The following THOC1 variants were observed in gnomAD, a reference collection of about 807,000 sequenced individuals.
The protein encoded by THOC1 is THO complex subunit 1.
In THOC1, 29 loss-of-function variants were observed where a neutral mutation model predicts 97.3. The ratio of observed to expected loss-of-function variants is 0.30; its 90% CI spans 0.22 to 0.41. The LOEUF (loss-of-function observed/expected upper bound fraction) is 0.41. Among genes scored for constraint, THOC1 ranks in the 10% least tolerant of loss-of-function variants. THOC1 has a pLI of 1.00. For missense variants in THOC1, 529 were observed against 761.9 expected (o/e 0.69, Z 3.60); for synonymous variants, 255 against 257.0 (o/e 0.99, Z 0.07).
rs756487622 is a variant in THOC1, at chr18:215,498, A to G, written c.1609T>C (p.Ser537Pro). Reference protein sequence around the residue: ...IKLAKELPPPSEEIKTGEDED... With the variant: ...IKLAKELPPPPEEIKTGEDED... ...TCCTCACCTGTTTTTATTTCTTCAGAAGGAGGCTAAAAATGAGAAAGAAGA... is the reference window on the plus strand; with the variant it reads ...TCCTCACCTGTTTTTATTTCTTCAGGAGGAGGCTAAAAATGAGAAAGAAGA... The change falls in exon 20 of 21, where the codon TCT becomes CCT. Residue 537 changes from serine (S) to proline (P), a missense_variant. Coordinates refer to ENST00000261600, the MANE Select transcript of THOC1 (RefSeq NM_005131.3). 3.1e-6 allele frequency: 5 copies of G among 1,612,312 alleles called. No individual in the cohort carries two copies. The highest frequency in any genetic ancestry group is 1.7e-5 in the Admixed American group (1 of 60,008).
intron 11 of THOC1, among the ~76,000 whole-genome samples, chr18:229,433 G>A (rs1911406219): frequency 1.3e-5 from 2 of 152,124 alleles, no homozygotes. Flanking sequence ...TGTAATCCCA[G>A]CACTTTGGGA....
chr18:227,219 T>C (rs1221927958), intron 11 of THOC1, among the ~76,000 whole-genome samples: 8 of 152,128 alleles, frequency 5.3e-5, no homozygotes, highest in Non-Finnish European at 1.0e-4. Context: ...GCACAAAGCC[T>C]ATTATAGTCC....
intron 8 of THOC1, among the ~76,000 whole-genome samples, chr18:253,587 G>A (rs1598303981): frequency 6.6e-6 from 1 of 152,260 alleles, no homozygotes; most frequent in Admixed American, 6.5e-5. Flanking sequence ...AGTGGTTATA[G>A]AAATAATATG....
At chr18:256,627 T>A (rs1443156851) in intron 7 of THOC1, among the ~76,000 whole-genome samples, 1 of 152,230 alleles carries the variant, frequency 6.6e-6, no homozygotes, top group Non-Finnish European at 1.5e-5. Flanking sequence ...AGACAGAGTT[T>A]CACTCCTGTT....
chr18:233,073 T>C (rs138705657), intron 11 of THOC1, among the ~76,000 whole-genome samples: 101 of 152,330 alleles, frequency 6.6e-4, no homozygotes, highest in African/African-American at 2.4e-3. Flanking sequence ...AAATACTAAA[T>C]TGATATTTTT....
intron 15 of THOC1, among the ~76,000 whole-genome samples, chr18:224,519 C>T (rs755016268): frequency 6.7e-5 from 10 of 149,782 alleles, no homozygotes; most frequent in Admixed American, 2.0e-4. Flanking sequence ...GCGGAGGCTG[C>T]GGTGAGCCAA....
rs1393457893 is a variant in THOC1 at position 265,476 on chromosome 18, A to C, written c.109T>G (p.Phe37Val). 3 of 1,598,394 alleles carry C rather than the reference A, an allele frequency of 1.9e-6. No homozygotes were observed. Among genetic ancestry groups the C allele is most frequent in the Non-Finnish European group, 2.6e-6 (3 of 1,172,092 alleles). Residue 37 changes from phenylalanine (F) to valine (V), a missense_variant, in exon 2 of 21, where the codon TTC becomes GTC. Physicochemically the swap from Phe to Val is conservative, Grantham distance 50. Coordinates refer to ENST00000261600, the MANE Select transcript of THOC1 (RefSeq NM_005131.3). ...NKNIKPLLST[F>V]SQVPGSENEK... ...CCTTACCTGCCAGGTACCTGGCTGA[A>C]GGTACTTAACAATGGCTTGATGTTT...
intron 11 of THOC1, among the ~76,000 whole-genome samples, chr18:241,043 GTGA>G (rs1312920703): frequency 6.6e-6 from 1 of 152,148 alleles, no homozygotes; most frequent in Non-Finnish European, 1.5e-5. Context: ...GGTAATATGA[GTGA>G]TGGAGAGCAG....
rs544139287 is a variant in THOC1 at position 230,268 on chromosome 18, G to A, written c.919-3367C>T. Among the ~76,000 whole-genome samples, 59 of 152,250 alleles carry A rather than the reference G, an allele frequency of 3.9e-4. 1 individual carries two copies. The Middle Eastern group carries it at 0.017, about 44-fold the overall frequency. ...AACCTAAAGGTGGAGAGTGGGGGTT[G>A]GGGGATGGGGGTGCAAGAAGGGGAG... On this transcript the variant is annotated intron_variant, in intron 11 of 20. Transcript: ENST00000261600.
chr18:230,882 T>C (rs938419441), intron 11 of THOC1, among the ~76,000 whole-genome samples: 19 of 152,298 alleles, frequency 1.2e-4, no homozygotes, highest in African/African-American at 4.3e-4. Context: ...ACCACCGGCA[T>C]ATGCCACAAT....
chr18:220,458 C>G lies in THOC1; in HGVS notation c.1371-1489G>C, dbSNP rs186375498. Among the ~76,000 whole-genome samples the G allele has an allele frequency of 3.6e-3, 543 of 152,334 alleles. 1 individual carries two copies. The highest frequency in any genetic ancestry group is 0.012 in the African/African-American group (506 of 41,580). On this transcript the variant is annotated intron_variant, in intron 17 of 20. Transcript: ENST00000261600. The stretch of plus-strand genomic sequence containing the variant: ...TTTTTAAAAACACTATTCTGATCAA[C>G]ACACCTACTAGTGGGGCACAGACAT...
intron 4 of THOC1, 196 bp downstream of exon 4, chr18:263,830 A>C (rs753414461): frequency 8.6e-6 from 4 of 465,754 alleles, no homozygotes; most frequent in Non-Finnish European, 1.6e-5. Context: ...AAGTGCCAAA[A>C]TGTGCACTGC....
rs1387807925 is a variant in THOC1, at chr18:242,465, T to A, written c.918+3859A>T. Among the ~76,000 whole-genome samples the A allele has an allele frequency of 6.6e-6, 1 of 151,598 alleles. No individual in the cohort carries two copies. Among genetic ancestry groups the A allele is most frequent in the Non-Finnish European group, 1.5e-5 (1 of 67,924 alleles). On this transcript the variant is annotated intron_variant, in intron 11 of 20. Transcript: ENST00000261600. This position sits in a 1 kb window ranked among gnomAD's most constrained non-coding sequence, Gnocchi z 4.5. The stretch of plus-strand genomic sequence containing the variant: ...CTCAAAAAAAAAAAAAAAGTTTGTA[T>A]CATCCTTGCCAAGCATTGTTTCCGG...
chr18:249,648 C>T (rs1340001811), intron 9 of THOC1, among the ~76,000 whole-genome samples: 2 of 144,272 alleles, frequency 1.4e-5, no homozygotes, highest in Admixed American at 7.2e-5. Context: ...GGTGACAGAG[C>T]GAGACTCCGT....
rs1439742344 is a variant in THOC1, at chr18:259,679, T to C, written c.424+3A>G. The C allele has an allele frequency of 1.9e-6, 3 of 1,542,396 alleles. No homozygotes were observed. The highest frequency in any genetic ancestry group is 2.6e-6 in the Non-Finnish European group (3 of 1,142,862). ...GCAATCATTTTATCACTCAATTACT[T>C]ACCATTGCACATACGTAGTAAGTAA... is the stretch of plus-strand genomic sequence containing the variant. On this transcript the variant is annotated splice_donor_region_variant and intron_variant, in intron 6 of 20. Transcript: ENST00000261600.
At chr18:267,931 C>T (rs1481472082) in intron 1 of THOC1, 35 bp downstream of exon 1, 3 of 1,584,846 alleles carry the variant, frequency 1.9e-6, no homozygotes, top group African/African-American at 2.7e-5. Context: ...AGCATAGCGC[C>T]GGGTCAGGCC....
intron 11 of THOC1, among the ~76,000 whole-genome samples, chr18:239,481 T>A (rs1049322725): frequency 1.3e-5 from 2 of 152,090 alleles, no homozygotes; most frequent in Admixed American, 1.3e-4. Context: ...ATTTTTTGTA[T>A]TTTTAGTACA....
intron 17 of THOC1, among the ~76,000 whole-genome samples, chr18:220,156 C>T (rs1598286932): frequency 6.6e-6 from 1 of 152,186 alleles, no homozygotes; most frequent in South Asian, 2.1e-4. Flanking sequence ...TGTCTTCCCA[C>T]TCTTTGCTCT....
chr18:244,088 T>C (rs1157087124), intron 11 of THOC1, among the ~76,000 whole-genome samples: 1 of 152,168 alleles, frequency 6.6e-6, no homozygotes, highest in African/African-American at 2.4e-5. Flanking sequence ...ATATTCAGTA[T>C]TCCTTTCCTA....
Sources: allele counts gnomAD v4.1 joint callset (sites outside exome capture counted in the v4.1 genomes callset), GRCh38; gene constraint gnomAD v4.1.1; non-coding constraint Gnocchi (gnomAD v3.1); transcripts MANE v1.5; gene names NCBI Gene and HGNC (gene_info 2026-07-23, HGNC 2026-07-21).